Variants in RENBP observed in about 807,000 individuals in gnomAD.
RENBP encodes the protein renin binding protein.
A neutral mutation model predicts 37.8 loss-of-function variants in RENBP; 16 were observed. The ratio of observed to expected loss-of-function variants is 0.42; its 90% CI spans 0.29 to 0.64. The LOEUF (loss-of-function observed/expected upper bound fraction) is 0.64, where lower values mean the gene tolerates loss of function less well. RENBP is among the 30% of genes least tolerant of loss of function. RENBP has a pLI of 0.19. For missense variants in RENBP, 347 were observed against 379.5 expected, an observed-to-expected ratio of 0.91 and a Z score of 0.71; for synonymous variants, 170 against 154.8, an observed-to-expected ratio of 1.10 and a Z score of -0.73.
intron 6 of RENBP, chrX:153,942,340 G>C (rs1402299865): frequency 2.0e-5 from 4 of 205,096 alleles, no homozygotes; most frequent in Non-Finnish European, 2.6e-5. Flanking sequence ...GGGTTCATGC[G>C]ATTCTCCTGC....
At chrX:153,942,829 AC>A in intron 6 of RENBP, 25 bp downstream of exon 6, 2 of 1,034,710 alleles carry the variant, frequency 1.9e-6, no homozygotes, top group African/African-American at 1.9e-5. Flanking sequence ...GCCTCCCACC[AC>A]CCCAGCTCCC....
chrX:153,937,033 CA>C (rs1236117294), intron 9 of RENBP: 9 of 105,417 alleles, frequency 8.5e-5, no homozygotes, highest in Admixed American at 4.1e-4. Flanking sequence ...CCCATCTATA[CA>C]AAAAAAAAAT....
chrX:153,942,337 T>C, intron 6 of RENBP: 2 of 210,311 alleles, frequency 9.5e-6, no homozygotes, highest in South Asian at 2.3e-4. Flanking sequence ...CCTGGGTTCA[T>C]GCGATTCTCC....
rs782767285 is a variant in RENBP at position 153,940,664 on chromosome X, G to C, written c.946-431C>G. Reference sequence around the variant, plus strand: ...GACCTTGCTGATAAAACAGGTTGCAGTAAAGGAGCCGGCCAAAACCCACCA... The same window carrying C: ...GACCTTGCTGATAAAACAGGTTGCACTAAAGGAGCCGGCCAAAACCCACCA... On this transcript the variant is annotated intron_variant, in intron 8 of 10. Coordinates refer to ENST00000393700, the MANE Select transcript of RENBP (RefSeq NM_002910.6). Among the ~76,000 whole-genome samples, 10 of 111,647 alleles carry C rather than the reference G, an allele frequency of 9.0e-5. No homozygotes were observed. In the East Asian group the frequency reaches 2.8e-3, roughly 31 times the overall value.
intron 6 of RENBP, chrX:153,942,621 C>G: frequency 2.4e-6 from 1 of 423,290 alleles, no homozygotes; most frequent in East Asian, 4.0e-5. Flanking sequence ...ACAGACAGGG[C>G]GGGTTTCACG....
At position 153,942,241 on chromosome X, in the gene RENBP, T is replaced by TC. The variant is rs2065230491; in HGVS notation, c.688-211_688-210insG. The TC allele has an allele frequency of 4.1e-5, 11 of 267,584 alleles. No individual in the cohort carries two copies. The East Asian group carries it at 1.2e-3, about 29-fold the overall frequency. 22.1% of individuals were successfully genotyped at this position (267,584 alleles called of 1,213,427 possible). A position where few individuals can be genotyped will look rare whatever the true frequency, so the allele number is the denominator to read the frequency against. ...CCTAGCAAGTTGTTGTTTTTTTTTT[T>TC]TTTTTTTTTTTTTAGACAGAGTCTT... On this transcript the variant is annotated intron_variant, in intron 6 of 10. Coordinates refer to ENST00000393700, the MANE Select transcript of RENBP (RefSeq NM_002910.6).
At position 153,935,360 on chromosome X, in the gene RENBP, G is replaced by T; in HGVS notation, c.1210C>A (p.Leu404Met). ...GCGGGGCGGCTCAGCAGGGCGCCCAGCATCTCCTCGCACATGGCTAGGCAC... is the reference window on the plus strand; with the variant it reads ...GCGGGGCGGCTCAGCAGGGCGCCCATCATCTCCTCGCACATGGCTAGGCAC... Reference protein sequence around the residue: ...PRCLAMCEEMLGALLSRPAPA... With the variant: ...PRCLAMCEEMMGALLSRPAPA... Residue 404 changes from leucine to methionine, a missense_variant, in exon 11 of 11, where the codon CTG (leucine) becomes ATG (methionine). Transcript: ENST00000393700. 1 of 1,118,180 alleles carries T rather than the reference G, an allele frequency of 8.9e-7. No individual in the cohort carries two copies. The highest frequency in any genetic ancestry group is 1.2e-6 in the Non-Finnish European group (1 of 849,433). 92.2% of individuals were successfully genotyped at this position (1,118,180 alleles called of 1,213,427 possible).
intron 1 of RENBP, 67 bp downstream of exon 1, chrX:153,944,517 G>A: frequency 1.7e-6 from 2 of 1,161,961 alleles, no homozygotes; most frequent in East Asian, 3.0e-5. Context: ...CTCTGCACGG[G>A]GCTTCAGACG....
At chrX:153,942,708 C>T in intron 6 of RENBP, 147 bp downstream of exon 6, 1 of 511,238 alleles carries the variant, frequency 2.0e-6, no homozygotes, top group Non-Finnish European at 3.3e-6. Context: ...GCTCCGCATC[C>T]TCCCTCCAGC....
intron 7 of RENBP, 27 bp from the exon 8 acceptor site, chrX:153,941,680 CGGGGGGCGGGGGGT>C: frequency 2.9e-6 from 1 of 346,216 alleles, no homozygotes; most frequent in Non-Finnish European, 4.0e-6. Flanking sequence ...TACGGAAGGG[CGGGGGGCGGGGGGT>C]GGGGTTGAGG....
chrX:153,941,062 C>T (rs1226106523), intron 8 of RENBP, among the ~76,000 whole-genome samples: 1 of 104,025 alleles, frequency 9.6e-6, no homozygotes, highest in East Asian at 3.0e-4. Flanking sequence ...TCGCTTGAAC[C>T]CGGGAAGCAG....
At chrX:153,942,828 C>G in intron 6 of RENBP, 27 bp downstream of exon 6, 1 of 1,155,145 alleles carries the variant, frequency 8.7e-7, no homozygotes. Flanking sequence ...GGCCTCCCAC[C>G]ACCCCAGCTC....
chrX:153,942,230 GTTTTTTTT>G (rs782716689), intron 6 of RENBP, 199 bp from the exon 7 acceptor site: 2 of 96,104 alleles, frequency 2.1e-5, no homozygotes, highest in Non-Finnish European at 3.4e-5. Context: ...GCAAGTTGTT[GTTTTTTTT>G]TTTTTTTTTT....
intron 5 of RENBP, 29 bp downstream of exon 5, chrX:153,943,517 G>T (rs920656326): frequency 8.4e-7 from 1 of 1,187,962 alleles, no homozygotes. Flanking sequence ...GCAGGGTGGG[G>T]TCTTCAGGGG....
chrX:153,944,256 G>A, intron 2 of RENBP, 53 bp downstream of exon 2: 1 of 1,166,582 alleles, frequency 8.6e-7, no homozygotes, highest in Non-Finnish European at 1.2e-6. Context: ...AGTGAGAAGG[G>A]GCCTCAGGAA....
chrX:153,936,720 C>T (rs782383500), intron 9 of RENBP, among the ~76,000 whole-genome samples: 2 of 110,696 alleles, frequency 1.8e-5, no homozygotes, highest in East Asian at 2.8e-4. Context: ...CTGCCCAGTG[C>T]CCATTCCACT....
At chrX:153,942,230 G>GTT (rs782716689) in intron 6 of RENBP, 199 bp from the exon 7 acceptor site, 7,902 of 90,510 alleles carry the variant, frequency 0.087, 338 homozygotes, top group Middle Eastern at 0.14. Flanking sequence ...GCAAGTTGTT[G>GTT]TTTTTTTTTT....
At chrX:153,938,792 T>G (rs188912914) in intron 9 of RENBP, among the ~76,000 whole-genome samples, 1,266 of 91,529 alleles carry the variant, frequency 0.014, 17 homozygotes, top group African/African-American at 0.034. Context: ...GTTTTTTTTT[T>G]TTTGTTTTTT....
intron 9 of RENBP, among the ~76,000 whole-genome samples, chrX:153,936,837 C>T (rs1557108670): frequency 8.9e-6 from 1 of 112,112 alleles, no homozygotes; most frequent in African/African-American, 3.2e-5. Flanking sequence ...CATTGAAGTC[C>T]ACTATGAAAA....
Sources: gnomAD v4.1 joint callset for allele counts (sites outside exome capture counted in the v4.1 genomes callset) on GRCh38, gnomAD v4.1.1 for gene constraint, MANE v1.5 for transcripts, NCBI Gene and HGNC (gene_info 2026-07-23, HGNC 2026-07-21) for gene names.